Variants in SYT17 observed in about 807,000 individuals in gnomAD.
SYT17 encodes synaptotagmin-17.
In SYT17, 22 loss-of-function variants were observed where a neutral mutation model predicts 46.7. The observed-to-expected ratio is 0.47, with a 90% confidence interval of 0.34 to 0.67. The LOEUF is 0.67. Ranked by LOEUF, SYT17 falls within the 30% of genes least tolerant of loss-of-function variation. The pLI, the probability that SYT17 is intolerant of heterozygous loss-of-function variation, is 0.01. For missense variants in SYT17, 519 were observed against 612.8 expected (o/e 0.85, Z 1.62); for synonymous variants, 251 against 248.4 (o/e 1.01, Z -0.10).
At chr16:19,172,259 A>C (rs1350216576) in intron 1 of SYT17, 1 of 1,058,766 alleles carries the variant, frequency 9.4e-7, no homozygotes, top group African/African-American at 1.7e-5. Flanking sequence ...TGGTGATAGG[A>C]AACACCCCAC....
chr16:19,217,292 T>C (rs1238458010), intron 5 of SYT17, among the ~76,000 whole-genome samples: 3 of 152,156 alleles, frequency 2.0e-5, no homozygotes, highest in Non-Finnish European at 2.9e-5. Flanking sequence ...TCTGGAATTA[T>C]GGAATTCCAT....
At chr16:19,187,622 TCTGA>T (rs369467527) in intron 5 of SYT17, among the ~76,000 whole-genome samples, 1 of 150,868 alleles carries the variant, frequency 6.6e-6, no homozygotes, top group African/African-American at 2.5e-5. Context: ...CACTGGAGAC[TCTGA>T]CTGAGGGAAG....
At chr16:19,231,859 C>T (rs931514734) in intron 7 of SYT17, among the ~76,000 whole-genome samples, 13 of 152,162 alleles carry the variant, frequency 8.5e-5, no homozygotes, top group African/African-American at 3.1e-4. Context: ...TAGAGGCAGA[C>T]GGACATTAAT....
intron 5 of SYT17, chr16:19,211,347 C>T (rs943210238): frequency 1.4e-6 from 1 of 696,488 alleles, no homozygotes. Flanking sequence ...GGCAGCAGCT[C>T]AGCCTCTGTG....
At chr16:19,206,815 C>A (rs1040634379) in intron 5 of SYT17, among the ~76,000 whole-genome samples, 1 of 152,208 alleles carries the variant, frequency 6.6e-6, no homozygotes, top group Admixed American at 6.5e-5. Context: ...CCACCCTACT[C>A]CTGTACGACC....
intron 7 of SYT17, among the ~76,000 whole-genome samples, chr16:19,259,489 A>T (rs1021421660): frequency 3.3e-5 from 5 of 152,156 alleles, no homozygotes; most frequent in African/African-American, 1.2e-4. Context: ...GTTCCATTCT[A>T]TTGTAGTTTT....
rs747803851 is a variant in SYT17, at chr16:19,183,974, T to C, written c.778T>C (p.Tyr260His). The C allele has an allele frequency of 1.9e-6, 3 of 1,614,198 alleles. No individual in the cohort carries two copies. Among genetic ancestry groups the C allele is most frequent in the Admixed American group, 1.7e-5 (1 of 60,032 alleles). Residue 260 changes from tyrosine to histidine, a missense_variant, in exon 5 of 8, where the codon TAC (tyrosine) becomes CAC (histidine). Physicochemically the swap from Tyr to His is moderately conservative, Grantham distance 83. Coordinates refer to ENST00000355377, the MANE Select transcript of SYT17 (RefSeq NM_016524.4). The surrounding 1 kb of genome is among the most constrained non-coding windows in gnomAD (Gnocchi z 5.6). ...KTQKPVFEER[Y>H]TFEIPFLEAQ... Reference sequence around the variant, plus strand: ...CCAGAAGCCCGTGTTTGAGGAGCGCTACACCTTCGAGATCCCCTTCCTGGA... The same window carrying C: ...CCAGAAGCCCGTGTTTGAGGAGCGCCACACCTTCGAGATCCCCTTCCTGGA...
chr16:19,181,258 C>A (rs1227630184), intron 4 of SYT17, among the ~76,000 whole-genome samples: 1 of 152,110 alleles, frequency 6.6e-6, no homozygotes, highest in African/African-American at 2.4e-5. Context: ...ATGTGTTTGA[C>A]CAAACAGCAT....
intron 7 of SYT17, among the ~76,000 whole-genome samples, chr16:19,230,980 G>A (rs77096824): frequency 0.017 from 2,554 of 152,182 alleles, 59 homozygotes; most frequent in African/African-American, 0.059. Flanking sequence ...TCTGAAGAAA[G>A]GCTACATATA....
chr16:19,228,816 T>C (rs1966584316), intron 7 of SYT17, among the ~76,000 whole-genome samples: 1 of 152,182 alleles, frequency 6.6e-6, no homozygotes, highest in Non-Finnish European at 1.5e-5. Context: ...CTGTCACCTC[T>C]AGGCCGAGGA....
intron 5 of SYT17, among the ~76,000 whole-genome samples, chr16:19,207,175 C>T (rs1190164024): frequency 6.6e-6 from 1 of 152,220 alleles, no homozygotes; most frequent in Non-Finnish European, 1.5e-5. Flanking sequence ...TAGAAGCAGC[C>T]TGAGACCCTC....
At chr16:19,242,807 G>C (rs1050156935) in intron 7 of SYT17, among the ~76,000 whole-genome samples, 1 of 152,138 alleles carries the variant, frequency 6.6e-6, no homozygotes, top group Non-Finnish European at 1.5e-5. Context: ...AGGATTACAG[G>C]TGTGAGCCAC....
chr16:19,234,055 C>G (rs1374532400), intron 7 of SYT17, among the ~76,000 whole-genome samples: 2 of 152,152 alleles, frequency 1.3e-5, no homozygotes, highest in African/African-American at 4.8e-5. Context: ...CACAGTGGTT[C>G]ACACTCATAC....
At chr16:19,193,308 G>T (rs1459396365) in intron 5 of SYT17, among the ~76,000 whole-genome samples, 1 of 152,184 alleles carries the variant, frequency 6.6e-6, no homozygotes, top group Non-Finnish European at 1.5e-5. Flanking sequence ...GTCATGTCAG[G>T]ATGCAGTATC....
chr16:19,193,323 A>G (rs1237464208), intron 5 of SYT17, among the ~76,000 whole-genome samples: 1 of 152,232 alleles, frequency 6.6e-6, no homozygotes, highest in Non-Finnish European at 1.5e-5. Flanking sequence ...AGTATCTTAC[A>G]TTACAAAGCC....
chr16:19,180,619 G>C, intron 4 of SYT17, 80 bp downstream of exon 4: 2 of 1,560,990 alleles, frequency 1.3e-6, no homozygotes, highest in South Asian at 2.3e-5. Context: ...ATGAAGGGCA[G>C]TGTTATTGCT....
intron 5 of SYT17, among the ~76,000 whole-genome samples, chr16:19,189,135 C>G (rs902147752): frequency 6.6e-6 from 1 of 152,146 alleles, no homozygotes; most frequent in Non-Finnish European, 1.5e-5. Context: ...ATCCACCTGC[C>G]TCGGCCTCCC....
At chr16:19,251,834 G>C (rs181875577) in intron 7 of SYT17, among the ~76,000 whole-genome samples, 41 of 152,258 alleles carry the variant, frequency 2.7e-4, no homozygotes, top group Admixed American at 2.5e-3. Flanking sequence ...CTGCTGTGAG[G>C]GTGGAAAGGG....
chr16:19,183,611 A>T lies in SYT17; in HGVS notation c.415A>T (p.Ile139Phe). The T allele has an allele frequency of 6.2e-7, 1 of 1,614,210 alleles. No individual in the cohort carries two copies. The highest frequency in any genetic ancestry group is 8.5e-7 in the Non-Finnish European group (1 of 1,180,040). ...FGVLSAKKEP[I>F]QPSVLRRTYN... is the part of the protein sequence containing the mutation. ...CGTTCTCAGCGCCAAGAAGGAGCCC[A>T]TCCAACCTTCGGTGCTCAGACGGAC... The change falls in exon 5 of 8, where the codon ATC (isoleucine) becomes TTC (phenylalanine). Residue 139 changes from isoleucine (I) to phenylalanine (F), a missense_variant. Ile to Phe is a conservative substitution (Grantham distance 21). Transcript: ENST00000355377. This position sits in a 1 kb window ranked among gnomAD's most constrained non-coding sequence, Gnocchi z 5.6.
Sources: allele counts gnomAD v4.1 joint callset (sites outside exome capture counted in the v4.1 genomes callset), GRCh38; gene constraint gnomAD v4.1.1; non-coding constraint Gnocchi (gnomAD v3.1); transcripts MANE v1.5; gene names NCBI Gene and HGNC (gene_info 2026-07-23, HGNC 2026-07-21).